RTL4: variants seen among roughly 807,000 people sequenced by gnomAD.
RTL4 encodes the protein retrotransposon Gag-like protein 4.
RTL4 carries 4 observed loss-of-function variants against 5.3 expected under a neutral mutation model. The ratio of observed to expected loss-of-function variants is 0.75; its 90% confidence interval spans 0.37 to 1.72. RTL4 has a LOEUF of 1.72. RTL4 is among the 40% of genes most tolerant of loss of function. The pLI, the probability that RTL4 is intolerant of heterozygous loss-of-function variation, is 0.04. For synonymous variants in RTL4, 98 were observed against 87.3 expected, an observed-to-expected ratio of 1.12 and a Z score of -0.68; for missense variants, 260 against 227.1, an observed-to-expected ratio of 1.14 and a Z score of -0.93.
chrX:112,309,762 G>T, the RTL4 span, among the ~76,000 whole-genome samples: 3 of 108,236 alleles, frequency 2.8e-5, no homozygotes, highest in South Asian at 1.2e-3. Flanking sequence ...CTCCATGGCC[G>T]GCTATATGTA....
chrX:112,114,941 C>T, the RTL4 span, among the ~76,000 whole-genome samples: 13 of 111,190 alleles, frequency 1.2e-4, no homozygotes, highest in Non-Finnish European at 2.4e-4. Flanking sequence ...GGCCATTTTT[C>T]CCCATCAGAG....
At chrX:112,238,771 G>T in the RTL4 span, among the ~76,000 whole-genome samples, 1 of 111,349 alleles carries the variant, frequency 9.0e-6, no homozygotes, top group Non-Finnish European at 1.9e-5. Flanking sequence ...CAGACAAAAA[G>T]CTCCAAGAAA....
the RTL4 span, among the ~76,000 whole-genome samples, chrX:112,325,886 GTT>G: frequency 9.0e-6 from 1 of 111,629 alleles, no homozygotes; most frequent in Non-Finnish European, 1.9e-5. Context: ...GGGAGAAAAT[GTT>G]TGCAACCTAC....
the RTL4 span, among the ~76,000 whole-genome samples, chrX:112,329,872 T>C: frequency 5.4e-5 from 6 of 111,134 alleles, no homozygotes; most frequent in Admixed American, 9.5e-5. Context: ...AATCAATAAA[T>C]GTAATCCAGC....
chrX:112,101,871 A>G, the RTL4 span, among the ~76,000 whole-genome samples: 93 of 110,748 alleles, frequency 8.4e-4, no homozygotes, highest in Non-Finnish European at 1.6e-3. Flanking sequence ...GTGAAAATGG[A>G]GCTAAAGATT....
At chrX:112,378,919 T>A in the RTL4 span, among the ~76,000 whole-genome samples, 3 of 112,529 alleles carry the variant, frequency 2.7e-5, no homozygotes, top group African/African-American at 9.7e-5. Flanking sequence ...TTACATCAAA[T>A]GCCTTCTGCG....
the RTL4 span, among the ~76,000 whole-genome samples, chrX:112,400,242 C>T: frequency 9.0e-6 from 1 of 111,683 alleles, no homozygotes; most frequent in South Asian, 3.7e-4. Flanking sequence ...GGTGATTTCA[C>T]AGCTCTGTCT....
the RTL4 span, among the ~76,000 whole-genome samples, chrX:112,170,892 A>T: frequency 1.8e-5 from 2 of 111,566 alleles, no homozygotes; most frequent in Non-Finnish European, 3.8e-5. Context: ...TTTGTCACAC[A>T]TGGCTCTCAT....
the RTL4 span, among the ~76,000 whole-genome samples, chrX:112,439,925 T>G: frequency 9.0e-6 from 1 of 111,597 alleles, no homozygotes; most frequent in East Asian, 2.8e-4. Flanking sequence ...CCAAATAAAC[T>G]TTTCTTTTTA....
the RTL4 span, among the ~76,000 whole-genome samples, chrX:112,427,877 C>T: frequency 9.1e-6 from 1 of 110,339 alleles, no homozygotes; most frequent in Non-Finnish European, 1.9e-5. Flanking sequence ...ATCACCCGAG[C>T]AGTGTATACA....
At chrX:112,170,630 C>T in the RTL4 span, among the ~76,000 whole-genome samples, 1 of 111,908 alleles carries the variant, frequency 8.9e-6, no homozygotes, top group South Asian at 3.8e-4. Context: ...AGTTGCTTAT[C>T]AGCTTAAGAT....
At chrX:112,365,604 A>G in the RTL4 span, among the ~76,000 whole-genome samples, 2 of 111,493 alleles carry the variant, frequency 1.8e-5, no homozygotes, top group African/African-American at 6.5e-5. Context: ...ACAAGCTAGA[A>G]AGAGTTACCC....
the RTL4 span, among the ~76,000 whole-genome samples, chrX:112,352,889 C>G: frequency 9.0e-6 from 1 of 111,649 alleles, no homozygotes; most frequent in Admixed American, 9.5e-5. Context: ...TCAGAGTGAT[C>G]AGGGAACCTA....
chrX:112,432,366 A>G, the RTL4 span, among the ~76,000 whole-genome samples: 1 of 88,347 alleles, frequency 1.1e-5, no homozygotes, highest in Non-Finnish European at 2.3e-5. Context: ...AAGTGTTCCT[A>G]TTTCTCCACA....
At chrX:112,292,735 C>A in the RTL4 span, among the ~76,000 whole-genome samples, 1 of 111,394 alleles carries the variant, frequency 9.0e-6, no homozygotes, top group East Asian at 2.8e-4. Flanking sequence ...GTGAACTAAC[C>A]TAAAGATTTA....
At chrX:112,303,119 C>T in the RTL4 span, among the ~76,000 whole-genome samples, 4 of 111,627 alleles carry the variant, frequency 3.6e-5, no homozygotes, top group African/African-American at 1.3e-4. Flanking sequence ...CACTATCAAC[C>T]GTGGTCCACG....
downstream of RTL4, among the ~76,000 whole-genome samples, chrX:112,457,379 A>G (rs997531036): frequency 2.7e-5 from 3 of 111,976 alleles, no homozygotes; most frequent in African/African-American, 9.8e-5. Context: ...CAGTTATGCT[A>G]AGAAATTCCG....
At chrX:112,455,749 A>G in exon 1 of RTL4, 2 of 863,217 alleles carry the variant, frequency 2.3e-6, no homozygotes, top group Non-Finnish European at 1.6e-6. Context: ...CAGATGGGGA[A>G]CTGTGACACC....
chrX:112,314,884 T>C, the RTL4 span, among the ~76,000 whole-genome samples: 3 of 111,700 alleles, frequency 2.7e-5, no homozygotes, highest in Non-Finnish European at 5.6e-5. Flanking sequence ...GTCCCTGTTT[T>C]CTTCTGCCTT....
Sources: gnomAD v4.1 joint callset for allele counts (sites outside exome capture counted in the v4.1 genomes callset) on GRCh38, gnomAD v4.1.1 for gene constraint, MANE v1.5 for transcripts, NCBI Gene and HGNC (gene_info 2026-07-23, HGNC 2026-07-21) for gene names.